JAM3: variants seen among roughly 807,000 people sequenced by gnomAD.
JAM3 encodes the protein junctional adhesion molecule 3, also known as junctional adhesion molecule C.
A neutral mutation model predicts 39.4 loss-of-function variants in JAM3; 31 were observed. That is an observed-to-expected ratio of 0.79 (90% CI 0.59 to 1.06). The LOEUF (loss-of-function observed/expected upper bound fraction) is 1.06, where lower values mean the gene tolerates loss of function less well. Among genes scored for constraint, JAM3 ranks in the 50% least tolerant of loss-of-function variants. JAM3 has a pLI of 0.00. For synonymous variants in JAM3, 182 were observed against 148.7 expected, an observed-to-expected ratio of 1.22 and a Z score of -1.63; for missense variants, 455 against 391.4, an observed-to-expected ratio of 1.16 and a Z score of -1.37.
In JAM3 at chr11:134,150,820, T is replaced by C. The variant is rs1943202041; in HGVS notation, c.*1639T>C. 1 of 152,084 alleles carries C rather than the reference T, an allele frequency of 6.6e-6. No individual in the cohort carries two copies. Among genetic ancestry groups the C allele is most frequent in the African/African-American group, 2.4e-5 (1 of 41,392 alleles). 9.4% of individuals were successfully genotyped at this position (152,084 alleles called of 1,614,324 possible). ...CTCTGTCGCATTTCAAAACAAACCA[T>C]GATGGAGTGGCGGCCAGTCCAGCCT... On this transcript the variant is annotated 3_prime_UTR_variant, in exon 9 of 9. Transcript: ENST00000299106.
chr11:134,128,937 G>T (rs1942708573), intron 1 of JAM3, among the ~76,000 whole-genome samples: 1 of 152,068 alleles, frequency 6.6e-6, no homozygotes, highest in African/African-American at 2.4e-5. Flanking sequence ...ATACCATAAA[G>T]AGGTGGCTTG....
rs71038561 is a variant in JAM3 at position 134,111,133 on chromosome 11, C to CTTT, written c.77-28692_77-28690dup. Reference sequence around the variant, plus strand: ...TGTACCATACCCAACACACATCCATCTTTTTTTTTTTTTTTTTTTTTTTTT... The same window carrying CTTT: ...TGTACCATACCCAACACACATCCATCTTTTTTTTTTTTTTTTTTTTTTTTTTTT... On this transcript the variant is annotated intron_variant, in intron 1 of 8. Transcript: ENST00000299106. 7.9e-3 allele frequency among the ~76,000 whole-genome samples: 685 copies of CTTT among 86,748 alleles called. 139 individuals carry two copies. The highest frequency in any genetic ancestry group is 0.03 in the African/African-American group (536 of 18,118). The allele number at this position is 86,748 out of a possible 152,430, so 56.9% of individuals were successfully genotyped here. A position where few individuals can be genotyped will look rare whatever the true frequency, so the allele number is the denominator to read the frequency against.
intron 1 of JAM3, among the ~76,000 whole-genome samples, chr11:134,079,534 G>GA (rs377247819): frequency 6.8e-5 from 10 of 147,784 alleles, no homozygotes; most frequent in East Asian, 2.0e-4. Flanking sequence ...TTTTCTGGGT[G>GA]AAAAAAAAAA....
At chr11:134,127,967 C>T (rs1942683946) in intron 1 of JAM3, among the ~76,000 whole-genome samples, 1 of 152,082 alleles carries the variant, frequency 6.6e-6, no homozygotes, top group South Asian at 2.1e-4. Context: ...TGTTGGGAAC[C>T]AAGTGCCTCT....
chr11:134,112,795 TAA>T (rs1942342302), intron 1 of JAM3, among the ~76,000 whole-genome samples: 1 of 152,218 alleles, frequency 6.6e-6, no homozygotes, highest in South Asian at 2.1e-4. Flanking sequence ...TGCCCAAACT[TAA>T]GATAGCTGCC....
At chr11:134,088,666 A>G (rs1216867287) in intron 1 of JAM3, among the ~76,000 whole-genome samples, 2 of 152,250 alleles carry the variant, frequency 1.3e-5, no homozygotes, top group Non-Finnish European at 2.9e-5. Flanking sequence ...CAATATATAA[A>G]TAACAGTTTT....
intron 1 of JAM3, chr11:134,070,100 C>G (rs1941463647): frequency 4.4e-6 from 2 of 454,798 alleles, no homozygotes; most frequent in African/African-American, 4.0e-5. Flanking sequence ...GTCTACTAGG[C>G]ACTTTGGAGC....
chr11:134,145,803 G>C, intron 5 of JAM3, 143 bp from the exon 6 acceptor site: 1 of 708,922 alleles, frequency 1.4e-6, no homozygotes, highest in Non-Finnish European at 2.6e-6. Flanking sequence ...ATCAGGGAGT[G>C]GGTCAGGGAG....
At chr11:134,104,377 TA>T (rs1942140293) in intron 1 of JAM3, among the ~76,000 whole-genome samples, 1 of 152,216 alleles carries the variant, frequency 6.6e-6, no homozygotes. Context: ...GGGAAATTTA[TA>T]GCACTAAATG....
At chr11:134,095,046 G>T (rs910159285) in intron 1 of JAM3, among the ~76,000 whole-genome samples, 1 of 152,186 alleles carries the variant, frequency 6.6e-6, no homozygotes, top group Non-Finnish European at 1.5e-5. Flanking sequence ...GTAATATTGG[G>T]TTCTTTTCTT....
chr11:134,139,608 G>C (rs1010627343), intron 1 of JAM3: 3 of 528,530 alleles, frequency 5.7e-6, no homozygotes, highest in Admixed American at 6.2e-5. Flanking sequence ...TTTGTTCTGG[G>C]ACTAAAAAGG....
chr11:134,127,894 G>A (rs771500974), intron 1 of JAM3, among the ~76,000 whole-genome samples: 39 of 152,116 alleles, frequency 2.6e-4, no homozygotes, highest in Non-Finnish European at 4.3e-4. Context: ...ATCATCACCT[G>A]TGCACTCTCT....
rs1943041631 is a variant in JAM3 at position 134,144,810 on chromosome 11, T to C, written c.428T>C (p.Val143Ala). 6 of 1,614,026 alleles carry C rather than the reference T, an allele frequency of 3.7e-6. No individual in the cohort carries two copies. The South Asian group carries it at 5.5e-5, about 15-fold the overall frequency. Reference protein sequence around the residue: ...LTVQVKPVTPVCRVPKAVPVG... With the variant: ...LTVQVKPVTPACRVPKAVPVG... ...CCCACAGTGAAGCCAGTGACCCCTG[T>C]CTGTAGAGTGCCGAAGGCTGTACCA... The change falls in exon 5 of 9, where the codon GTC becomes GCC. Residue 143 changes from valine to alanine, a missense_variant. Transcript: ENST00000299106.
chr11:134,102,413 A>G (rs1300297972), intron 1 of JAM3, among the ~76,000 whole-genome samples: 2 of 152,288 alleles, frequency 1.3e-5, no homozygotes, highest in African/African-American at 2.4e-5. Flanking sequence ...AAAGATGGGG[A>G]AAAAACAGAG....
chr11:134,145,128 T>A, intron 5 of JAM3, 134 bp downstream of exon 5: 1 of 774,996 alleles, frequency 1.3e-6, no homozygotes, highest in Non-Finnish European at 2.3e-6. Flanking sequence ...ATGTTAGGGA[T>A]TCTACAGGAA....
chr11:134,091,520 G>GGATAGATAGATAGATAGATA, intron 1 of JAM3, among the ~76,000 whole-genome samples: 1 of 150,838 alleles, frequency 6.6e-6, no homozygotes, highest in East Asian at 2.0e-4. Context: ...ATAGATAGAT[G>GGATAGATAGATAGATAGATA]GATAGATAGA....
intron 1 of JAM3, among the ~76,000 whole-genome samples, chr11:134,108,034 C>T (rs1942232526): frequency 6.6e-6 from 1 of 151,678 alleles, no homozygotes; most frequent in Admixed American, 6.6e-5. Context: ...TTGAAAATAT[C>T]AGTAAAATTA....
intron 1 of JAM3, among the ~76,000 whole-genome samples, chr11:134,106,815 TAA>T (rs1028175778): frequency 7.9e-5 from 12 of 152,174 alleles, no homozygotes; most frequent in African/African-American, 2.7e-4. Context: ...TTGCGATCAT[TAA>T]AAAGTCAGGA....
intron 1 of JAM3, chr11:134,124,314 G>A: frequency 1.2e-6 from 1 of 807,228 alleles, no homozygotes; most frequent in South Asian, 1.4e-5. Flanking sequence ...CTCCACAGGG[G>A]CTGGACGGTT....
Sources: gnomAD v4.1 joint callset for allele counts (sites outside exome capture counted in the v4.1 genomes callset) on GRCh38, gnomAD v4.1.1 for gene constraint, MANE v1.5 for transcripts, NCBI Gene and HGNC (gene_info 2026-07-23, HGNC 2026-07-21) for gene names.